The following CCDC91 variants were observed in gnomAD, a reference collection of about 807,000 sequenced individuals.
CCDC91 encodes coiled-coil domain-containing protein 91.
In CCDC91, 48 loss-of-function variants were observed where a neutral mutation model predicts 63.2. The ratio of observed to expected loss-of-function variants is 0.76; its 90% confidence interval spans 0.60 to 0.97. CCDC91 has a LOEUF of 0.97. CCDC91 is among the 50% of genes least tolerant of loss of function. The pLI is 0.00. For missense variants in CCDC91, 500 were observed against 494.6 expected (o/e 1.01, Z -0.10); for synonymous variants, 167 against 165.8 (o/e 1.01, Z -0.06).
chr12:28,217,994 C>T (rs1943677582), intron 1 of CCDC91, among the ~76,000 whole-genome samples: 1 of 152,124 alleles, frequency 6.6e-6, no homozygotes, highest in Non-Finnish European at 1.5e-5. Flanking sequence ...CCTATTATAA[C>T]TGTCCCCTCC....
intron 6 of CCDC91, among the ~76,000 whole-genome samples, chr12:28,336,058 C>CTT (rs397686785): frequency 5.3e-4 from 78 of 148,192 alleles, no homozygotes; most frequent in African/African-American, 1.3e-3. Flanking sequence ...ATTTGAACTA[C>CTT]TTTTTTTTTT....
chr12:28,267,827 A>C lies in CCDC91; in HGVS notation c.109+8385A>C, dbSNP rs866651003. The stretch of plus-strand genomic sequence containing the variant: ...ATAGTAATATATAATTATATTATTA[A>C]TATATAATTATATATAATTATATAG... On this transcript the variant is annotated intron_variant, in intron 3 of 12. Transcript: ENST00000536442. Among the ~76,000 whole-genome samples, 35 of 27,322 alleles carry C rather than the reference A, an allele frequency of 1.3e-3. 2 individuals are homozygous for C. The highest frequency in any genetic ancestry group is 3.2e-3 in the South Asian group (3 of 928). 17.9% of individuals were successfully genotyped at this position (27,322 alleles called of 152,430 possible).
chr12:28,538,442 T>C (rs1311409137), intron 12 of CCDC91, among the ~76,000 whole-genome samples: 2 of 152,070 alleles, frequency 1.3e-5, no homozygotes, highest in East Asian at 3.9e-4. Context: ...GAACTCATCA[T>C]TTTTTATGGC....
chr12:28,237,444 G>A (rs1945037101), intron 1 of CCDC91, among the ~76,000 whole-genome samples: 1 of 152,134 alleles, frequency 6.6e-6, no homozygotes, highest in Non-Finnish European at 1.5e-5. Context: ...TATCACAAGT[G>A]TCCTCATAAG....
At chr12:28,406,330 A>G (rs786711) in intron 8 of CCDC91, among the ~76,000 whole-genome samples, 38,397 of 151,990 alleles carry the variant, frequency 0.25, 5,435 homozygotes, top group East Asian at 0.57. Context: ...TTAGTGTACA[A>G]GTCTTTGTAT....
At chr12:28,542,496 A>G (rs1170558979) in intron 12 of CCDC91, among the ~76,000 whole-genome samples, 1 of 152,052 alleles carries the variant, frequency 6.6e-6, no homozygotes, top group East Asian at 1.9e-4. Context: ...AGGAGACAGG[A>G]ACTCTGATTT....
chr12:28,316,508 CTTTT>C (rs1240079532), intron 6 of CCDC91, among the ~76,000 whole-genome samples: 3 of 91,128 alleles, frequency 3.3e-5, no homozygotes, highest in South Asian at 7.3e-4. Flanking sequence ...TTTAATCTTT[CTTTT>C]TATTTTATTT....
intron 1 of CCDC91, among the ~76,000 whole-genome samples, chr12:28,199,310 C>T (rs901831986): frequency 4.9e-5 from 4 of 81,720 alleles, no homozygotes; most frequent in African/African-American, 7.8e-5. Context: ...TTAATTAATA[C>T]TAACTAAGTT....
chr12:28,231,481 GA>G (rs1944598775), intron 1 of CCDC91, among the ~76,000 whole-genome samples: 1 of 152,172 alleles, frequency 6.6e-6, no homozygotes, highest in South Asian at 2.1e-4. Context: ...AGTTGTTTGG[GA>G]AAGAGTTTTG....
intron 12 of CCDC91, among the ~76,000 whole-genome samples, chr12:28,494,419 G>A (rs1952174832): frequency 6.6e-6 from 1 of 151,674 alleles, no homozygotes; most frequent in African/African-American, 2.4e-5. Flanking sequence ...GAGGTACAAG[G>A]TGCATTAAGT....
chr12:28,320,334 CT>C (rs1385765669), intron 6 of CCDC91, among the ~76,000 whole-genome samples: 1 of 151,498 alleles, frequency 6.6e-6, no homozygotes, highest in East Asian at 1.9e-4. Context: ...TGCACACAGA[CT>C]TTTTTTTGTA....
chr12:28,462,744 A>G (rs1057363910), intron 11 of CCDC91, among the ~76,000 whole-genome samples: 17 of 152,146 alleles, frequency 1.1e-4, no homozygotes, highest in African/African-American at 4.1e-4. Context: ...CCAGTTGGTA[A>G]GATAGACAAG....
intron 11 of CCDC91, among the ~76,000 whole-genome samples, chr12:28,482,575 G>T (rs1317924842): frequency 6.6e-6 from 1 of 151,824 alleles, no homozygotes; most frequent in African/African-American, 2.4e-5. Flanking sequence ...AACATCACTT[G>T]GTAATCTTTT....
intron 3 of CCDC91, among the ~76,000 whole-genome samples, chr12:28,262,891 A>G (rs1249588825): frequency 3.3e-5 from 5 of 151,972 alleles, no homozygotes; most frequent in Non-Finnish European, 5.9e-5. Flanking sequence ...TTTTAGTGAA[A>G]GCTACCCAAG....
chr12:28,315,177 G>A (rs188191894), intron 6 of CCDC91, among the ~76,000 whole-genome samples: 14 of 145,412 alleles, frequency 9.6e-5, no homozygotes, highest in East Asian at 8.0e-4. Flanking sequence ...ATATATTTTT[G>A]TTTTTGAGAA....
At chr12:28,426,869 T>C (rs1948346805) in intron 8 of CCDC91, among the ~76,000 whole-genome samples, 1 of 152,208 alleles carries the variant, frequency 6.6e-6, no homozygotes, top group South Asian at 2.1e-4. Context: ...TAACTTTTTA[T>C]GATGTACTAT....
At chr12:28,333,004 A>T (rs1941633862) in intron 6 of CCDC91, among the ~76,000 whole-genome samples, 2 of 152,168 alleles carry the variant, frequency 1.3e-5, no homozygotes, top group Non-Finnish European at 2.9e-5. Context: ...CAAGAAAATG[A>T]TACTTGTTTA....
At chr12:28,217,547 G>T (rs961522017) in intron 1 of CCDC91, among the ~76,000 whole-genome samples, 2 of 151,946 alleles carry the variant, frequency 1.3e-5, no homozygotes, top group African/African-American at 4.8e-5. Context: ...TGCCACAAAG[G>T]GACAGAATTT....
At chr12:28,366,831 C>T (rs1944306894) in intron 7 of CCDC91, among the ~76,000 whole-genome samples, 1 of 152,108 alleles carries the variant, frequency 6.6e-6, no homozygotes, top group African/African-American at 2.4e-5. Context: ...TTACTCCTCA[C>T]AGCCGGACTG....
Sources: allele counts gnomAD v4.1 joint callset (sites outside exome capture counted in the v4.1 genomes callset), GRCh38; gene constraint gnomAD v4.1.1; transcripts MANE v1.5; gene names NCBI Gene and HGNC (gene_info 2026-07-23, HGNC 2026-07-21).